The following TSPAN14 variants were observed in gnomAD, a reference collection of about 807,000 sequenced individuals.
TSPAN14 encodes the protein tetraspanin 14.
A neutral mutation model predicts 36.6 loss-of-function variants in TSPAN14; 16 were observed. The ratio of observed to expected loss-of-function variants is 0.44; its 90% CI spans 0.30 to 0.66. The LOEUF (loss-of-function observed/expected upper bound fraction) is 0.66. TSPAN14 is among the 30% of genes least tolerant of loss of function. The pLI is 0.12. For missense variants in TSPAN14, 231 were observed against 355.1 expected, an observed-to-expected ratio of 0.65 and a Z score of 2.81; for synonymous variants, 139 against 143.8, an observed-to-expected ratio of 0.97 and a Z score of 0.24.
chr10:80,461,826 C>T (rs1446792451), intron 1 of TSPAN14, among the ~76,000 whole-genome samples: 1 of 144,010 alleles, frequency 6.9e-6, no homozygotes, highest in Admixed American at 6.9e-5. Flanking sequence ...CTGCTGAGGG[C>T]TTGCACTGAG....
rs114885245 is a variant in TSPAN14, at chr10:80,462,146, C to T, written c.-18+7775C>T. ...CCTAGGCTGGTGTCAAACTCCTGGG[C>T]ACTTGATTTGTGCTTCTTAATTCAG... On this transcript the variant is annotated intron_variant, in intron 1 of 8. Coordinates refer to ENST00000429989, the Ensembl canonical transcript of TSPAN14. 3.4e-3 allele frequency among the ~76,000 whole-genome samples: 519 copies of T among 152,182 alleles called. 4 individuals carry two copies. The highest frequency in any genetic ancestry group is 0.012 in the African/African-American group (498 of 41,480).
intron 1 of TSPAN14, among the ~76,000 whole-genome samples, chr10:80,474,373 T>G (rs1429070181): frequency 6.6e-5 from 9 of 136,296 alleles, no homozygotes; most frequent in East Asian, 2.1e-4. Context: ...AGAGGAGGGG[T>G]GGGGTTGAAG....
intron 2 of TSPAN14, among the ~76,000 whole-genome samples, chr10:80,500,778 G>A (rs1159582055): frequency 1.3e-5 from 2 of 152,208 alleles, no homozygotes; most frequent in Non-Finnish European, 2.9e-5. Flanking sequence ...AGCGAGGGAG[G>A]GTGTGGTCTG....
rs150107703 is a variant in TSPAN14 at position 80,512,223 on chromosome 10, G to A, written c.530G>A (p.Arg177Gln). 3.7e-6 allele frequency: 6 copies of A among 1,614,070 alleles called. No individual in the cohort carries two copies. The highest frequency in any genetic ancestry group is 1.7e-5 in the Admixed American group (1 of 60,010). ...AATTGCAGCGGTGCCAGCTACAGCC[G>A]AGAGAAGTGCGGGGTCCCCTTCTCC... The change falls in exon 6 of 9, where the codon CGA (arginine) becomes CAA (glutamine). Residue 177 changes from arginine to glutamine, a missense_variant. Arg to Gln is a conservative substitution (Grantham distance 43). Coordinates refer to ENST00000429989, the Ensembl canonical transcript of TSPAN14.
chr10:80,509,134 T>C lies in TSPAN14; in HGVS notation c.280-167T>C, dbSNP rs1274553603. On this transcript the variant is annotated intron_variant, in intron 4 of 8. Transcript: ENST00000429989. The surrounding 1 kb of genome is among the most constrained non-coding windows in gnomAD (Gnocchi z 4.7). The stretch of plus-strand genomic sequence containing the variant: ...ACAGATGAAGCGAAGTTGTGCAGAG[T>C]CACCCAGCTAACTCTAAGTGTGGGG... Among the ~76,000 whole-genome samples, 2 of 152,040 alleles carry C rather than the reference T, an allele frequency of 1.3e-5. No individual in the cohort carries two copies. The highest frequency in any genetic ancestry group is 4.8e-5 in the African/African-American group (2 of 41,376).
At chr10:80,474,493 G>A (rs1481369130) in intron 1 of TSPAN14, among the ~76,000 whole-genome samples, 1 of 151,924 alleles carries the variant, frequency 6.6e-6, no homozygotes, top group Non-Finnish European at 1.5e-5. Context: ...AGGTATTGGA[G>A]CGTGAGGAGT....
rs1231543511 is a variant in TSPAN14, at chr10:80,489,248, A to C, written c.15A>C (p.Arg5Ser). The change falls in exon 2 of 9, where the codon AGA (arginine) becomes AGC (serine). Residue 5 changes from arginine (R) to serine (S), a missense_variant. Physicochemically the swap from Arg to Ser is moderately radical, Grantham distance 110. Transcript: ENST00000429989. The stretch of plus-strand genomic sequence containing the variant: ...CTTCTCAGAAGATGCACTATTATAG[A>C]TACTCTAACGCCAAGGTCAGCTGCT... 1.3e-5 allele frequency: 20 copies of C among 1,583,806 alleles called. 1 individual carries two copies. The highest frequency in any genetic ancestry group is 1.5e-5 in the Non-Finnish European group (17 of 1,163,010).
At chr10:80,519,655 G>T (rs1841149172) in exon 9 of TSPAN14, 1 of 152,096 alleles carries the variant, frequency 6.6e-6, no homozygotes, top group African/African-American at 2.4e-5. Flanking sequence ...TTTTTGTTTG[G>T]GGTCACTATT....
intron 7 of TSPAN14, 81 bp from the exon 8 acceptor site, chr10:80,516,123 T>A: frequency 6.2e-7 from 1 of 1,603,714 alleles, no homozygotes; most frequent in Non-Finnish European, 8.5e-7. Context: ...TTTGCCCTGC[T>A]CCTTACCAGA....
chr10:80,519,157 C>G (rs1424030443), exon 9 of TSPAN14: 1 of 152,740 alleles, frequency 6.5e-6, no homozygotes, highest in East Asian at 1.9e-4. Flanking sequence ...TGCCATTTGC[C>G]TCTCCCCGGA....
At chr10:80,514,640 A>G (rs1840834587) in intron 7 of TSPAN14, among the ~76,000 whole-genome samples, 1 of 152,150 alleles carries the variant, frequency 6.6e-6, no homozygotes, top group Non-Finnish European at 1.5e-5. Context: ...GTCTCGAGGA[A>G]TCTTCAGAGA....
chr10:80,486,367 C>T (rs923336945), intron 1 of TSPAN14, among the ~76,000 whole-genome samples: 2 of 152,226 alleles, frequency 1.3e-5, no homozygotes, highest in African/African-American at 4.8e-5. Flanking sequence ...TTGAGATTCC[C>T]TGTGTTGCCA....
chr10:80,458,469 C>G (rs1170232309), intron 1 of TSPAN14, among the ~76,000 whole-genome samples: 2 of 151,998 alleles, frequency 1.3e-5, no homozygotes, highest in Non-Finnish European at 2.9e-5. Flanking sequence ...GGTGAGGCCT[C>G]AGGTTCTTCT....
intron 6 of TSPAN14, among the ~76,000 whole-genome samples, 169 bp from the exon 7 acceptor site, chr10:80,513,850 G>A (rs559832766): frequency 1.3e-5 from 2 of 152,340 alleles, no homozygotes; most frequent in Admixed American, 1.3e-4. Context: ...GAGAAAGTTT[G>A]CCACCCTGTC....
chr10:80,509,857 C>CT lies in TSPAN14; in HGVS notation c.450+387dup, dbSNP rs1464278784. 5.5e-6 allele frequency: 1 copy of CT among 180,952 alleles called. No homozygotes were observed. The highest frequency in any genetic ancestry group is 1.2e-5 in the Non-Finnish European group (1 of 85,190). The allele number at this position is 180,952 out of a possible 1,614,324, so 11.2% of individuals were successfully genotyped here. A position where few individuals can be genotyped will look rare whatever the true frequency, so the allele number is the denominator to read the frequency against. On this transcript the variant is annotated intron_variant, in intron 5 of 8. Coordinates refer to ENST00000429989, the Ensembl canonical transcript of TSPAN14. This position sits in a 1 kb window ranked among gnomAD's most constrained non-coding sequence, Gnocchi z 4.7. Reference sequence around the variant, plus strand: ...TTCCCCCCGGCTCATGACTCACCATCTGACGCTATTCCTATCCCCTTCCTC... The same window carrying CT: ...TTCCCCCCGGCTCATGACTCACCATCTTGACGCTATTCCTATCCCCTTCCTC...
At position 80,509,439 on chromosome 10, in the gene TSPAN14, C is replaced by T; in HGVS notation, c.418C>T (p.Leu140=). ...CAAGTCCTACCGGGACGATATCGAT[C>T]TGCAAAACCTCATCGACTCCCTTCA... Residue 140 remains leucine, a synonymous_variant, in exon 5 of 9, where the codon CTG becomes TTG. Transcript: ENST00000429989. This position sits in a 1 kb window ranked among gnomAD's most constrained non-coding sequence, Gnocchi z 4.7. 6.2e-7 allele frequency: 1 copy of T among 1,614,112 alleles called. No individual in the cohort carries two copies. Among genetic ancestry groups the T allele is most frequent in the Non-Finnish European group, 8.5e-7 (1 of 1,180,014 alleles).
chr10:80,462,926 G>A (rs1407243397), intron 1 of TSPAN14, among the ~76,000 whole-genome samples: 2 of 152,200 alleles, frequency 1.3e-5, no homozygotes, highest in Admixed American at 1.3e-4. Context: ...GGATGCCCGG[G>A]ATGCCTGGGT....
chr10:80,472,187 T>C (rs1846590033), intron 1 of TSPAN14, among the ~76,000 whole-genome samples: 1 of 152,208 alleles, frequency 6.6e-6, no homozygotes, highest in Non-Finnish European at 1.5e-5. Context: ...CTGAATGTTT[T>C]GTTTGCTTTT....
chr10:80,498,466 C>A (rs549120837), intron 2 of TSPAN14, among the ~76,000 whole-genome samples: 2 of 152,176 alleles, frequency 1.3e-5, no homozygotes, highest in East Asian at 3.9e-4. Context: ...TCCTTTCCTA[C>A]CTCACTTGAA....
Sources: gnomAD v4.1 joint callset for allele counts (sites outside exome capture counted in the v4.1 genomes callset) on GRCh38, gnomAD v4.1.1 for gene constraint, Gnocchi (gnomAD v3.1) non-coding constraint, MANE v1.5 for transcripts, NCBI Gene and HGNC (gene_info 2026-07-23, HGNC 2026-07-21) for gene names.